Variants in TENM3 observed in about 807,000 individuals in gnomAD.
The protein encoded by TENM3 is teneurin-3.
Under a neutral mutation model 255.1 loss-of-function variants are expected in TENM3, and 63 were observed. The ratio of observed to expected loss-of-function variants is 0.25; its 90% CI spans 0.20 to 0.30. The LOEUF (loss-of-function observed/expected upper bound fraction) is 0.30. Ranked by LOEUF, TENM3 falls within the 10% of genes least tolerant of loss-of-function variation. The pLI is 1.00. For missense variants in TENM3, 2,929 were observed against 3,461.1 expected, an observed-to-expected ratio of 0.85 and a Z score of 3.86; for synonymous variants, 1,306 against 1,322.3, an observed-to-expected ratio of 0.99 and a Z score of 0.27.
chr4:181,620,115 G>A, the TENM3 span, among the ~76,000 whole-genome samples: 1 of 152,072 alleles, frequency 6.6e-6, no homozygotes, highest in Non-Finnish European at 1.5e-5. Context: ...ACAAAAGTTA[G>A]CTGGGCGTGG....
Position 182,161,666 on chromosome 4 carries a change from TATATATATGTATATATATACACAA to T in TENM3, c.-76+16934_-76+16957del, listed in dbSNP as rs1333549704. Among the ~76,000 whole-genome samples, 93 of 97,578 alleles carry T rather than the reference TATATATATGTATATATATACACAA, an allele frequency of 9.5e-4. 3 individuals are homozygous for T. The highest frequency in any genetic ancestry group is 3.7e-3 in the African/African-American group (86 of 22,988). 64.0% of individuals were successfully genotyped at this position (97,578 alleles called of 152,430 possible). A position where few individuals can be genotyped will look rare whatever the true frequency, so the allele number is the denominator to read the frequency against. On this transcript the variant is annotated intron_variant, in intron 1 of 2. Coordinates refer to the TENM3 transcript ENST00000512480. ...ATATATATATATACACACACACAAA[TATATATATGTATATATATACACAA>T]ATATATATGTATATATATACATATA... is the stretch of plus-strand genomic sequence containing the variant.
the TENM3 span, among the ~76,000 whole-genome samples, chr4:181,641,566 A>G: frequency 6.5e-4 from 36 of 55,532 alleles, no homozygotes; most frequent in African/African-American, 1.7e-3. Flanking sequence ...ATATATATAT[A>G]TATATATATA....
At chr4:181,904,050 A>G in the TENM3 span, among the ~76,000 whole-genome samples, 1 of 152,070 alleles carries the variant, frequency 6.6e-6, no homozygotes, top group East Asian at 1.9e-4. Flanking sequence ...TTCTTTGGGC[A>G]TCTAAAACTT....
chr4:181,468,138 A>AAAAAAAC, the TENM3 span, among the ~76,000 whole-genome samples: 1 of 151,764 alleles, frequency 6.6e-6, no homozygotes, highest in Admixed American at 6.6e-5. Flanking sequence ...TGTACAAAAA[A>AAAAAAAC]AAAAAAAAAT....
Position 182,679,777 on chromosome 4 carries a change from G to A in TENM3, c.1438G>A (p.Ala480Thr). The change falls in exon 8 of 28, where the codon GCC becomes ACC. Residue 480 changes from alanine to threonine, a missense_variant. Ala to Thr is a moderately conservative substitution (Grantham distance 58). Around this residue, in one of 6 missense-constraint regions of TENM3, gnomAD observed 1,608 missense variants for 1,884.4 expected, o/e 0.85. Transcript: ENST00000511685. ...RQARSVSLHE[A>T]GFIQYLDSGI... is the part of the protein sequence containing the mutation. ...GGCGAGATCCGTCAGCCTTCATGAG[G>A]CCGGCTTTATCCAGTACTTGGATTC... The A allele has an allele frequency of 6.2e-7, 1 of 1,613,982 alleles. No homozygotes were observed. The highest frequency in any genetic ancestry group is 8.5e-7 in the Non-Finnish European group (1 of 1,179,894).
chr4:181,475,805 A>G, the TENM3 span, among the ~76,000 whole-genome samples: 1 of 152,254 alleles, frequency 6.6e-6, no homozygotes, highest in Admixed American at 6.5e-5. Flanking sequence ...TTGAGCCAAT[A>G]TAGGCATCTG....
the TENM3 span, among the ~76,000 whole-genome samples, chr4:182,086,223 G>A: frequency 6.6e-6 from 1 of 152,074 alleles, no homozygotes; most frequent in African/African-American, 2.4e-5. Context: ...CAGGCCTCCG[G>A]AAGAAACCAC....
chr4:181,605,505 A>G, the TENM3 span, among the ~76,000 whole-genome samples: 1 of 15,984 alleles, frequency 6.3e-5, no homozygotes, highest in Non-Finnish European at 1.5e-4. Flanking sequence ...AAAGAAAGAA[A>G]GAAAGAAAGA....
At chr4:181,640,215 C>G in the TENM3 span, among the ~76,000 whole-genome samples, 1 of 152,172 alleles carries the variant, frequency 6.6e-6, no homozygotes, top group Admixed American at 6.5e-5. Flanking sequence ...TCCAGACCTA[C>G]TGAGCCTGAG....
chr4:182,511,970 A>G (rs374056214), intron 3 of TENM3, among the ~76,000 whole-genome samples: 1 of 152,232 alleles, frequency 6.6e-6, no homozygotes, highest in African/African-American at 2.4e-5. Context: ...AATTAGATTT[A>G]GGTAACTAGC....
chr4:182,153,056 A>G (rs1750454952), intron 1 of TENM3, among the ~76,000 whole-genome samples: 1 of 151,850 alleles, frequency 6.6e-6, no homozygotes, highest in South Asian at 2.1e-4. Context: ...TATCTTTTAT[A>G]TGTTTCAGGG....
At chr4:181,714,524 G>C in the TENM3 span, among the ~76,000 whole-genome samples, 1 of 152,224 alleles carries the variant, frequency 6.6e-6, no homozygotes, top group African/African-American at 2.4e-5. Flanking sequence ...CATGATGGCA[G>C]ACCAGACCAT....
At chr4:182,117,696 G>A in the TENM3 span, among the ~76,000 whole-genome samples, 1 of 152,060 alleles carries the variant, frequency 6.6e-6, no homozygotes, top group Non-Finnish European at 1.5e-5. Flanking sequence ...CTTGATTATT[G>A]TGGCTTTCTA....
intron 3 of TENM3, among the ~76,000 whole-genome samples, chr4:182,529,144 A>G (rs1739523084): frequency 6.6e-6 from 1 of 152,202 alleles, no homozygotes; most frequent in African/African-American, 2.4e-5. Flanking sequence ...TATAGTTTTC[A>G]ATATTTTCAT....
the TENM3 span, among the ~76,000 whole-genome samples, chr4:181,695,533 T>C: frequency 6.6e-6 from 1 of 152,208 alleles, no homozygotes; most frequent in African/African-American, 2.4e-5. Context: ...TATTCAACTT[T>C]CTTTCTTTCC....
intron 3 of TENM3, among the ~76,000 whole-genome samples, chr4:182,382,628 C>G (rs1472894201): frequency 1.3e-5 from 2 of 152,138 alleles, no homozygotes; most frequent in African/African-American, 4.8e-5. Context: ...CTCTAGGCAT[C>G]AGGTCCGGGG....
chr4:181,811,846 G>A, the TENM3 span, among the ~76,000 whole-genome samples: 3 of 151,990 alleles, frequency 2.0e-5, no homozygotes, highest in Non-Finnish European at 2.9e-5. Context: ...GGGACACAGA[G>A]CCAAACCACA....
intron 1 of TENM3, among the ~76,000 whole-genome samples, chr4:182,145,696 G>C (rs181936533): frequency 3.9e-5 from 6 of 152,328 alleles, no homozygotes; most frequent in Middle Eastern, 3.4e-3. Context: ...AAAGTTTCCA[G>C]GTACGTGTGA....
At chr4:182,243,617 G>GA (rs34399505) in intron 1 of TENM3, 141 bp downstream of exon 1, 42,093 of 152,026 alleles carry the variant, frequency 0.28, 7,197 homozygotes, top group Admixed American at 0.41. Flanking sequence ...AAGGAGACTG[G>GA]AAAAAAGTAG....
Sources: gnomAD v4.1 joint callset for allele counts (sites outside exome capture counted in the v4.1 genomes callset) on GRCh38, gnomAD v4.1.1 for gene constraint, gnomAD v4.1.1 regional missense constraint, MANE v1.5 for transcripts, NCBI Gene and HGNC (gene_info 2026-07-23, HGNC 2026-07-21) for gene names.